Variants in SLC25A13 observed in about 807,000 individuals in gnomAD.
SLC25A13 encodes the protein electrogenic aspartate/glutamate antiporter SLC25A13, mitochondrial.
Under a neutral mutation model 85.5 loss-of-function variants are expected in SLC25A13, and 70 were observed. The observed-to-expected ratio is 0.82, with a 90% confidence interval of 0.68 to 1.00. The LOEUF is 1.00. Ranked by LOEUF, SLC25A13 falls within the 50% of genes least tolerant of loss-of-function variation. The pLI is 0.00. For synonymous variants in SLC25A13, 259 were observed against 288.7 expected, an observed-to-expected ratio of 0.90 and a Z score of 1.04; for missense variants, 765 against 819.8, an observed-to-expected ratio of 0.93 and a Z score of 0.82.
Position 96,120,999 on chromosome 7 carries a change from T to A in SLC25A13, c.*192A>T. ...TCTGGGCAGAGGGCCAAATAATAAT[T>A]ATGAATAATTTCACAATGATCTGGT... On this transcript the variant is annotated 3_prime_UTR_variant, in exon 18 of 18. Coordinates refer to ENST00000265631, the MANE Select transcript of SLC25A13 (RefSeq NM_014251.3). 1.3e-6 allele frequency: 1 copy of A among 741,342 alleles called. No individual in the cohort carries two copies. Among genetic ancestry groups the A allele is most frequent in the Non-Finnish European group, 2.3e-6 (1 of 426,592 alleles). The allele number at this position is 741,342 out of a possible 1,614,324, so 45.9% of individuals were successfully genotyped here.
intron 11 of SLC25A13, among the ~76,000 whole-genome samples, chr7:96,175,520 G>A (rs1472706516): frequency 6.6e-6 from 1 of 152,190 alleles, no homozygotes; most frequent in African/African-American, 2.4e-5. Flanking sequence ...CACAGCAACT[G>A]AAGAAGAAAC....
At chr7:96,293,807 T>G (rs1225436413) in intron 2 of SLC25A13, among the ~76,000 whole-genome samples, 1 of 151,810 alleles carries the variant, frequency 6.6e-6, no homozygotes, top group Non-Finnish European at 1.5e-5. Flanking sequence ...TGTGGAGAAA[T>G]AGGAACACTT....
intron 11 of SLC25A13, among the ~76,000 whole-genome samples, chr7:96,175,818 T>A (rs567828350): frequency 1.3e-5 from 2 of 152,210 alleles, no homozygotes; most frequent in Admixed American, 1.3e-4. Flanking sequence ...GGTAATATAT[T>A]AGAGGCCCCG....
In SLC25A13 at chr7:96,322,080, G is replaced by T. The variant is rs886562781; in HGVS notation, c.-124C>A. On this transcript the variant is annotated 5_prime_UTR_variant, in exon 1 of 18. Coordinates refer to ENST00000265631, the MANE Select transcript of SLC25A13 (RefSeq NM_014251.3). ...GGGGGCGGCGATACGGCCAGGCAGC[G>T]TGCGTTCCTGGCCTGCCTCCCCACG... The T allele has an allele frequency of 3.0e-6, 4 of 1,330,410 alleles. No homozygotes were observed. Among genetic ancestry groups the T allele is most frequent in the East Asian group, 5.4e-5 (2 of 36,912 alleles). 82.4% of individuals were successfully genotyped at this position (1,330,410 alleles called of 1,614,324 possible). A position where few individuals can be genotyped will look rare whatever the true frequency, so the allele number is the denominator to read the frequency against.
At chr7:96,321,205 T>C (rs1800324259) in intron 1 of SLC25A13, among the ~76,000 whole-genome samples, 1 of 152,146 alleles carries the variant, frequency 6.6e-6, no homozygotes, top group Non-Finnish European at 1.5e-5. Flanking sequence ...AGTGAATGAT[T>C]CACATTACAC....
intron 14 of SLC25A13, among the ~76,000 whole-genome samples, chr7:96,143,300 A>G (rs1792644178): frequency 6.6e-6 from 1 of 152,260 alleles, no homozygotes; most frequent in South Asian, 2.1e-4. Flanking sequence ...GGTAATGTTC[A>G]AAAGTAGATG....
intron 4 of SLC25A13, among the ~76,000 whole-genome samples, chr7:96,228,422 T>C (rs1262539632): frequency 6.6e-6 from 1 of 152,162 alleles, no homozygotes; most frequent in Non-Finnish European, 1.5e-5. Flanking sequence ...GGGAAATAAA[T>C]GCTCATTGAA....
intron 3 of SLC25A13, among the ~76,000 whole-genome samples, chr7:96,237,237 T>G (rs1465785148): frequency 6.6e-6 from 1 of 152,226 alleles, no homozygotes; most frequent in African/African-American, 2.4e-5. Context: ...AAAAAACTGG[T>G]GCTTTGTGTT....
chr7:96,166,346 C>T (rs1396019962), intron 13 of SLC25A13, among the ~76,000 whole-genome samples: 2 of 152,196 alleles, frequency 1.3e-5, no homozygotes, highest in African/African-American at 4.8e-5. Context: ...ATTACTTTCT[C>T]TTGTTATATA....
chr7:96,214,886 T>C (rs1432582379), intron 4 of SLC25A13, among the ~76,000 whole-genome samples: 1 of 151,986 alleles, frequency 6.6e-6, no homozygotes, highest in African/African-American at 2.4e-5. Flanking sequence ...TCTAAATAAA[T>C]AGAAACACAT....
At chr7:96,295,916 A>T (rs1253449906) in intron 2 of SLC25A13, among the ~76,000 whole-genome samples, 2 of 151,810 alleles carry the variant, frequency 1.3e-5, no homozygotes, top group African/African-American at 4.8e-5. Context: ...ATGTGTGTAT[A>T]TTATCTTACA....
At chr7:96,186,518 G>A (rs1794651468) in intron 9 of SLC25A13, among the ~76,000 whole-genome samples, 1 of 152,114 alleles carries the variant, frequency 6.6e-6, no homozygotes, top group Admixed American at 6.5e-5. Flanking sequence ...GTACTTATTG[G>A]AAATTTCGAT....
chr7:96,155,830 A>T (rs980453032), intron 13 of SLC25A13, among the ~76,000 whole-genome samples: 6 of 152,246 alleles, frequency 3.9e-5, no homozygotes, highest in Admixed American at 3.9e-4. Flanking sequence ...CAATCCCCCA[A>T]TCATGCTGAC....
At chr7:96,214,853 G>C (rs544897098) in intron 4 of SLC25A13, among the ~76,000 whole-genome samples, 3 of 151,990 alleles carry the variant, frequency 2.0e-5, no homozygotes, top group African/African-American at 7.2e-5. Context: ...CTACAAAACA[G>C]CATTGAAAGA....
intron 3 of SLC25A13, among the ~76,000 whole-genome samples, chr7:96,275,976 GGGT>G (rs1432943891): frequency 1.3e-5 from 2 of 152,152 alleles, no homozygotes; most frequent in Admixed American, 6.6e-5. Context: ...CATTATACAT[GGGT>G]TATATCTCAA....
chr7:96,161,126 C>G (rs765382835), intron 13 of SLC25A13, among the ~76,000 whole-genome samples: 1 of 152,064 alleles, frequency 6.6e-6, no homozygotes, highest in Non-Finnish European at 1.5e-5. Flanking sequence ...TAAGCTATAC[C>G]AAATGCTCCA....
Position 96,189,581 on chromosome 7 carries a change from C to A in SLC25A13, c.848G>T (p.Gly283Val). 1.9e-6 allele frequency: 3 copies of A among 1,607,538 alleles called. No individual in the cohort carries two copies. The highest frequency in any genetic ancestry group is 3.3e-4 in the Middle Eastern group (2 of 6,044). ...FQLADLYEPR[G>V]RMTLADIERI... ...AAAAAAAAAAAAAAAGCCAACTTAC[C>A]CCCTTGGCTCATATAAATCTGCTAA... Residue 283 changes from glycine (G) to valine (V), a missense_variant and splice_region_variant, in exon 8 of 18, where the codon GGA becomes GTA. Physicochemically the swap from Gly to Val is moderately radical, Grantham distance 109 (BLOSUM62 -3). Transcript: ENST00000265631.
At position 96,121,268 on chromosome 7, in the gene SLC25A13, C is replaced by A; in HGVS notation, c.1951G>T (p.Glu651Ter). The change falls in exon 18 of 18, where the codon GAA (glutamate) becomes TAA (stop). Residue 651 changes from glutamate (E) to a stop codon, truncating the protein, a stop_gained. Coordinates refer to ENST00000265631, the MANE Select transcript of SLC25A13 (RefSeq NM_014251.3). LOFTEE classifies it high-confidence loss of function. The stretch of plus-strand genomic sequence containing the variant: ...GGTAGGTAAAGTCCAAATTTGTTTT[C>A]AATCCCTGCAAATGTAGCAACTGCC... ...KLAVATFAGIENKFGLYLPLF... is the reference protein window; with the variant it reads ...KLAVATFAGI The A allele has an allele frequency of 6.2e-7, 1 of 1,614,110 alleles. No homozygotes were observed. The highest frequency in any genetic ancestry group is 8.5e-7 in the Non-Finnish European group (1 of 1,180,014).
Position 96,122,189 on chromosome 7 carries a change from C to T in SLC25A13, c.1592-192G>A, listed in dbSNP as rs1054631553. ...AGATGTCTGCTCCTACACCCCTCCCCACCAGACTCACACCTTCCCTTGCCC... is the reference window on the plus strand; with the variant it reads ...AGATGTCTGCTCCTACACCCCTCCCTACCAGACTCACACCTTCCCTTGCCC... On this transcript the variant is annotated intron_variant, in intron 15 of 17. Transcript: ENST00000265631. Among the ~76,000 whole-genome samples the T allele has an allele frequency of 3.3e-5, 5 of 152,332 alleles. No individual in the cohort carries two copies. In the East Asian group the frequency reaches 9.6e-4, roughly 29 times the overall value.
Sources: allele counts gnomAD v4.1 joint callset (sites outside exome capture counted in the v4.1 genomes callset), GRCh38; gene constraint gnomAD v4.1.1; transcripts MANE v1.5; gene names NCBI Gene and HGNC (gene_info 2026-07-23, HGNC 2026-07-21).